The following MYBPC1 variants were observed in gnomAD, a reference collection of about 807,000 sequenced individuals.
MYBPC1 encodes myosin-binding protein C, slow-type.
A neutral mutation model predicts 147.1 loss-of-function variants in MYBPC1; 52 were observed. The observed-to-expected ratio is 0.35, with a 90% confidence interval of 0.28 to 0.45. The LOEUF is 0.45. Among genes scored for constraint, MYBPC1 ranks in the 20% least tolerant of loss-of-function variants. The probability of loss-of-function intolerance (pLI) is 1.00; values close to 1 mark genes in which losing one functional copy is unlikely to be tolerated. For synonymous variants in MYBPC1, 477 were observed against 475.9 expected (o/e 1.00, Z -0.03); for missense variants, 1,228 against 1,440.3 (o/e 0.85, Z 2.39).
intron 27 of MYBPC1, 79 bp from the exon 28 acceptor site, chr12:101,678,021 CAT>C (rs1900389329): frequency 6.6e-7 from 1 of 1,512,788 alleles, no homozygotes; most frequent in African/African-American, 1.4e-5. Flanking sequence ...AAGTTTTAAT[CAT>C]GTGTAAAGTA....
chr12:101,627,762 C>A lies in MYBPC1; in HGVS notation c.143-7C>A, dbSNP rs1593760593. The stretch of plus-strand genomic sequence containing the variant: ...TCTGCATCACCCAAATCACACTTTC[C>A]TTTCAGGTTTGGGTAGTCGGGCCCT... On this transcript the variant is annotated splice_polypyrimidine_tract_variant and splice_region_variant and intron_variant, in intron 4 of 31. Coordinates refer to ENST00000361466, the MANE Select transcript of MYBPC1 (RefSeq NM_002465.4). 2 of 1,613,622 alleles carry A rather than the reference C, an allele frequency of 1.2e-6. No individual in the cohort carries two copies. Among genetic ancestry groups the A allele is most frequent in the Non-Finnish European group, 1.7e-6 (2 of 1,179,802 alleles).
chr12:101,639,023 GA>G (rs922377063), intron 10 of MYBPC1, among the ~76,000 whole-genome samples: 1 of 150,704 alleles, frequency 6.6e-6, no homozygotes, highest in Non-Finnish European at 1.5e-5. Flanking sequence ...ATCCCCACAA[GA>G]AAAAAAAATA....
At chr12:101,681,633 A>C (rs1379467054) in intron 29 of MYBPC1, among the ~76,000 whole-genome samples, 1 of 77,734 alleles carries the variant, frequency 1.3e-5, no homozygotes, top group African/African-American at 5.2e-5. Flanking sequence ...TTTTGAGACA[A>C]GGTCTTGCTC....
chr12:101,611,902 C>T (rs968064090), intron 1 of MYBPC1, among the ~76,000 whole-genome samples: 1 of 151,886 alleles, frequency 6.6e-6, no homozygotes, highest in African/African-American at 2.4e-5. Context: ...CATGGTGAAA[C>T]CCTGTCTCTA....
At chr12:101,598,982 C>T (rs1420348728) in intron 1 of MYBPC1, among the ~76,000 whole-genome samples, 2 of 152,140 alleles carry the variant, frequency 1.3e-5, no homozygotes, top group Non-Finnish European at 2.9e-5. Context: ...ATTTATCAGA[C>T]CTTATTATAT....
chr12:101,647,015 T>C, intron 13 of MYBPC1, 128 bp downstream of exon 13: 2 of 1,256,398 alleles, frequency 1.6e-6, no homozygotes, highest in Non-Finnish European at 1.2e-6. Context: ...ATGAGTCTTC[T>C]GGTTTGTTGA....
chr12:101,673,339 G>A, intron 24 of MYBPC1, 88 bp from the exon 25 acceptor site: 2 of 1,400,454 alleles, frequency 1.4e-6, no homozygotes, highest in South Asian at 1.2e-5. Context: ...CCTAGAATGG[G>A]TTAAGCCACT....
chr12:101,613,860 C>T (rs962211793), intron 1 of MYBPC1, among the ~76,000 whole-genome samples: 1 of 152,114 alleles, frequency 6.6e-6, no homozygotes. Flanking sequence ...TGAATTGCAC[C>T]GTCCTTGTAA....
At chr12:101,652,302 G>T (rs1024375017) in intron 16 of MYBPC1, among the ~76,000 whole-genome samples, 2 of 152,024 alleles carry the variant, frequency 1.3e-5, no homozygotes, top group Admixed American at 6.5e-5. Flanking sequence ...TTAGGGTTTG[G>T]GATGTAAAGC....
intron 1 of MYBPC1, among the ~76,000 whole-genome samples, chr12:101,607,874 T>C (rs542296950): frequency 8.3e-4 from 127 of 152,306 alleles, no homozygotes; most frequent in African/African-American, 3.0e-3. Context: ...TTTCTTTTTT[T>C]CCCCTTTAAG....
chr12:101,620,096 T>G (rs1887037106), intron 3 of MYBPC1, among the ~76,000 whole-genome samples: 1 of 152,206 alleles, frequency 6.6e-6, no homozygotes, highest in South Asian at 2.1e-4. Context: ...ATCCTGTTCC[T>G]TAATACTGAC....
At chr12:101,681,594 T>TATATA (rs1950997604) in intron 29 of MYBPC1, among the ~76,000 whole-genome samples, 10 of 13,600 alleles carry the variant, frequency 7.4e-4, no homozygotes, top group East Asian at 2.4e-3. Flanking sequence ...ATATATATAT[T>TATATA]TTTTTTTTTT....
chr12:101,687,135 G>A (rs566461042), downstream of MYBPC1, among the ~76,000 whole-genome samples: 113 of 151,722 alleles, frequency 7.4e-4, no homozygotes, highest in Middle Eastern at 3.4e-3. Flanking sequence ...CAGGTTTGTT[G>A]CATACGTATA....
At chr12:101,657,166 A>G (rs1895684859) in intron 18 of MYBPC1, among the ~76,000 whole-genome samples, 1 of 152,186 alleles carries the variant, frequency 6.6e-6, no homozygotes, top group South Asian at 2.1e-4. Context: ...ATTGAATTAA[A>G]TGAAAATACA....
At chr12:101,664,983 G>A (rs1897187807) in intron 22 of MYBPC1, among the ~76,000 whole-genome samples, 3 of 152,132 alleles carry the variant, frequency 2.0e-5, no homozygotes, top group Admixed American at 2.0e-4. Context: ...TCTTATGTGT[G>A]ATGTGGCCTT....
At chr12:101,598,650 T>A (rs1819250210) in intron 1 of MYBPC1, among the ~76,000 whole-genome samples, 1 of 152,160 alleles carries the variant, frequency 6.6e-6, no homozygotes. Flanking sequence ...CATGGCTCAC[T>A]GCAAACTCTG....
chr12:101,609,592 G>A (rs1463906370), intron 1 of MYBPC1, among the ~76,000 whole-genome samples: 2 of 152,102 alleles, frequency 1.3e-5, no homozygotes, highest in Non-Finnish European at 2.9e-5. Flanking sequence ...TACTGCTGCA[G>A]ACTCCAAGAG....
chr12:101,614,654 G>T (rs555626748), intron 2 of MYBPC1, 123 bp downstream of exon 2: 4 of 923,422 alleles, frequency 4.3e-6, no homozygotes, highest in South Asian at 4.2e-5. Context: ...CTGAGAAGTT[G>T]GATGGTGACC....
At chr12:101,693,153 A>G in the MYBPC1 span, among the ~76,000 whole-genome samples, 123 of 152,136 alleles carry the variant, frequency 8.1e-4, no homozygotes, top group African/African-American at 2.8e-3. Flanking sequence ...TCACCGTGTT[A>G]GCCAGGATGG....
Sources: allele counts gnomAD v4.1 joint callset (sites outside exome capture counted in the v4.1 genomes callset), GRCh38; gene constraint gnomAD v4.1.1; transcripts MANE v1.5; gene names NCBI Gene and HGNC (gene_info 2026-07-23, HGNC 2026-07-21).